The following PPP1CB variants were observed in gnomAD, a reference collection of about 807,000 sequenced individuals.
PPP1CB encodes the protein serine/threonine-protein phosphatase PP1-beta catalytic subunit.
In PPP1CB, 2 loss-of-function variants were observed where a neutral mutation model predicts 43.7. The ratio of observed to expected loss-of-function variants is 0.05; its 90% CI spans 0.02 to 0.14. The LOEUF (loss-of-function observed/expected upper bound fraction) is 0.14, where lower values mean the gene tolerates loss of function less well. Among genes scored for constraint, PPP1CB ranks in the 10% least tolerant of loss-of-function variants. The pLI is 1.00. For synonymous variants in PPP1CB, 136 were observed against 135.6 expected (o/e 1.00, Z -0.02); for missense variants, 84 against 398.0 (o/e 0.21, Z 6.71).
At chr2:28,783,350 T>C (rs372565595) in intron 4 of PPP1CB, among the ~76,000 whole-genome samples, 22 of 152,018 alleles carry the variant, frequency 1.4e-4, no homozygotes, top group African/African-American at 5.3e-4. Context: ...CCTTGGGAAG[T>C]CTTTTGAAAT....
intron 1 of PPP1CB, among the ~76,000 whole-genome samples, chr2:28,758,826 TTGA>T (rs1666550765): frequency 6.6e-6 from 1 of 152,230 alleles, no homozygotes; most frequent in Non-Finnish European, 1.5e-5. Flanking sequence ...AGTGGAGATA[TTGA>T]TGATATGTGC....
chr2:28,790,607 T>C (rs1667366192), intron 6 of PPP1CB, among the ~76,000 whole-genome samples: 1 of 152,214 alleles, frequency 6.6e-6, no homozygotes, highest in African/African-American at 2.4e-5. Flanking sequence ...CCCAAAGTGC[T>C]GGGATTACAG....
At position 28,752,073 on chromosome 2, in the gene PPP1CB, C is replaced by G. The variant is rs1485265531; in HGVS notation, c.-52C>G. On this transcript the variant is annotated 5_prime_UTR_variant, in exon 1 of 8. Coordinates refer to ENST00000395366, the MANE Select transcript of PPP1CB (RefSeq NM_002709.3). The stretch of plus-strand genomic sequence containing the variant: ...GCCGAGCCGTCGCCGCAGCCTCCGC[C>G]GCCGAGAAGCCCTTGTTCCCGCTGC... 3 of 1,533,772 alleles carry G rather than the reference C, an allele frequency of 2.0e-6. No homozygotes were observed. Among genetic ancestry groups the G allele is most frequent in the Non-Finnish European group, 2.7e-6 (3 of 1,131,640 alleles).
At chr2:28,781,982 A>G (rs1220297140) in intron 4 of PPP1CB, 140 bp downstream of exon 4, 1 of 676,928 alleles carries the variant, frequency 1.5e-6, no homozygotes, top group Admixed American at 2.8e-5. Context: ...AAACATGGCT[A>G]AACCTCTTTT....
chr2:28,752,073 C>T lies in PPP1CB; in HGVS notation c.-52C>T, dbSNP rs1485265531. 1.3e-6 allele frequency: 2 copies of T among 1,533,888 alleles called. No individual in the cohort carries two copies. The highest frequency in any genetic ancestry group is 2.0e-5 in the Admixed American group (1 of 50,952). On this transcript the variant is annotated 5_prime_UTR_variant, in exon 1 of 8. Transcript: ENST00000395366. The stretch of plus-strand genomic sequence containing the variant: ...GCCGAGCCGTCGCCGCAGCCTCCGC[C>T]GCCGAGAAGCCCTTGTTCCCGCTGC...
chr2:28,756,720 T>A (rs1666497398), intron 1 of PPP1CB, among the ~76,000 whole-genome samples: 1 of 152,168 alleles, frequency 6.6e-6, no homozygotes, highest in Non-Finnish European at 1.5e-5. Flanking sequence ...ACCCTTGTGC[T>A]CAAGCAATCC....
intron 4 of PPP1CB, chr2:28,782,807 G>A (rs1241517853): frequency 2.0e-5 from 3 of 152,120 alleles, no homozygotes; most frequent in East Asian, 1.9e-4. Flanking sequence ...ATCAATATAC[G>A]GGAAGAATTA....
In PPP1CB at chr2:28,760,524, A is replaced by G. The variant is rs116157306; in HGVS notation, c.52+8348A>G. ...AGACTATACCATCTAGGTTTGTGTAAGTCCACTCTGTGATGTTTGCACAAC... is the reference window on the plus strand; with the variant it reads ...AGACTATACCATCTAGGTTTGTGTAGGTCCACTCTGTGATGTTTGCACAAC... On this transcript the variant is annotated intron_variant, in intron 1 of 7. Transcript: ENST00000395366. 1.9e-3 allele frequency among the ~76,000 whole-genome samples: 293 copies of G among 152,332 alleles called. 2 individuals carry two copies. The highest frequency in any genetic ancestry group is 6.8e-3 in the African/African-American group (283 of 41,576).
chr2:28,772,931 C>T (rs1331323256), intron 1 of PPP1CB, among the ~76,000 whole-genome samples: 1 of 152,168 alleles, frequency 6.6e-6, no homozygotes, highest in Non-Finnish European at 1.5e-5. Context: ...ATGTATCTCA[C>T]AGATGCAATA....
At chr2:28,777,107 A>G in intron 2 of PPP1CB, 125 bp downstream of exon 2, 2 of 992,064 alleles carry the variant, frequency 2.0e-6, no homozygotes, top group Non-Finnish European at 2.9e-6. Context: ...TTACTAAATA[A>G]AAGTGTATAA....
chr2:28,783,699 G>A (rs1295472949), intron 4 of PPP1CB, among the ~76,000 whole-genome samples: 2 of 151,886 alleles, frequency 1.3e-5, no homozygotes, highest in African/African-American at 2.4e-5. Context: ...GGAGGTTGCA[G>A]TGAGCTGAGA....
chr2:28,789,745 C>T (rs148232045), intron 6 of PPP1CB, among the ~76,000 whole-genome samples: 113 of 151,518 alleles, frequency 7.5e-4, no homozygotes, highest in African/African-American at 2.4e-3. Flanking sequence ...ATTACAGGCA[C>T]GCACCACCAC....
chr2:28,776,419 A>G (rs6728437), intron 1 of PPP1CB, among the ~76,000 whole-genome samples: 147,163 of 152,082 alleles, frequency 0.97, 71,414 homozygotes, highest in Middle Eastern at 1. Flanking sequence ...GCGCCACCAC[A>G]CCTGGCTAAT....
At chr2:28,771,264 G>A (rs1162266943) in intron 1 of PPP1CB, among the ~76,000 whole-genome samples, 4 of 151,974 alleles carry the variant, frequency 2.6e-5, no homozygotes. Flanking sequence ...ATGTTGGCCA[G>A]GCTGGTCTCT....
intron 1 of PPP1CB, among the ~76,000 whole-genome samples, chr2:28,767,007 G>A (rs971028393): frequency 6.6e-6 from 1 of 150,844 alleles, no homozygotes; most frequent in Non-Finnish European, 1.5e-5. Flanking sequence ...CGTGAACCAG[G>A]GAGGCAGAGC....
intron 3 of PPP1CB, among the ~76,000 whole-genome samples, chr2:28,780,796 A>G (rs1443909252): frequency 1.3e-5 from 2 of 152,194 alleles, no homozygotes; most frequent in Admixed American, 1.3e-4. Flanking sequence ...AACTCTAAAA[A>G]GGTGAACATA....
intron 1 of PPP1CB, among the ~76,000 whole-genome samples, chr2:28,774,096 T>C (rs1161409277): frequency 6.6e-6 from 1 of 152,226 alleles, no homozygotes; most frequent in East Asian, 1.9e-4. Context: ...TGAAGCACTT[T>C]ATAGTTCTGT....
chr2:28,796,891 A>T (rs1479942940), intron 7 of PPP1CB, among the ~76,000 whole-genome samples: 1 of 152,116 alleles, frequency 6.6e-6, no homozygotes, highest in African/African-American at 2.4e-5. Context: ...TTCCCTTTTC[A>T]GTACGATGTT....
At position 28,751,969 on chromosome 2, in the gene PPP1CB, AG is replaced by A. The variant is rs1666295774; in HGVS notation, c.-151del. 3.7e-6 allele frequency: 2 copies of A among 535,806 alleles called. No homozygotes were observed. The highest frequency in any genetic ancestry group is 3.2e-6 in the Non-Finnish European group (1 of 311,116). 33.2% of individuals were successfully genotyped at this position (535,806 alleles called of 1,614,324 possible). A position where few individuals can be genotyped will look rare whatever the true frequency, so the allele number is the denominator to read the frequency against. On this transcript the variant is annotated 5_prime_UTR_variant, in exon 1 of 8. Transcript: ENST00000395366. ...CGCGCGCTCTCGCTACCCGGCGGGG[AG>A]GGGGTGGGGGGAGGGCCCGGGAAAA...
Sources: allele counts gnomAD v4.1 joint callset (sites outside exome capture counted in the v4.1 genomes callset), GRCh38; gene constraint gnomAD v4.1.1; transcripts MANE v1.5; gene names NCBI Gene and HGNC (gene_info 2026-07-23, HGNC 2026-07-21).